The following ZNF804A variants were observed in gnomAD, a reference collection of about 807,000 sequenced individuals.
ZNF804A encodes the protein zinc finger protein 804A.
In ZNF804A, 2 loss-of-function variants were observed where a neutral mutation model predicts 16.5. That is an observed-to-expected ratio of 0.12 (90% CI 0.05 to 0.38). The LOEUF is 0.38. Among genes scored for constraint, ZNF804A ranks in the 10% least tolerant of loss-of-function variants. ZNF804A has a pLI of 0.99. For missense variants in ZNF804A, 1,473 were observed against 1,390.7 expected, an observed-to-expected ratio of 1.06 and a Z score of -0.94; for synonymous variants, 534 against 489.6, an observed-to-expected ratio of 1.09 and a Z score of -1.20.
At chr2:184,849,342 G>C (rs1247712234) in intron 1 of ZNF804A, among the ~76,000 whole-genome samples, 1 of 151,962 alleles carries the variant, frequency 6.6e-6, no homozygotes, top group Non-Finnish European at 1.5e-5. Context: ...CAGTCAGAAA[G>C]GTGACAAAAG....
chr2:184,672,624 C>T (rs1692354395), intron 1 of ZNF804A, among the ~76,000 whole-genome samples: 1 of 151,906 alleles, frequency 6.6e-6, no homozygotes, highest in Non-Finnish European at 1.5e-5. Flanking sequence ...ATTACATTTA[C>T]TTTTTGAATT....
intron 1 of ZNF804A, among the ~76,000 whole-genome samples, chr2:184,657,835 A>T (rs1339067535): frequency 6.6e-6 from 1 of 152,176 alleles, no homozygotes; most frequent in African/African-American, 2.4e-5. Context: ...AGAAAGGGGA[A>T]GAGGAGAAAG....
chr2:184,831,958 C>T (rs924649109), intron 1 of ZNF804A, among the ~76,000 whole-genome samples: 6 of 151,966 alleles, frequency 3.9e-5, no homozygotes, highest in East Asian at 3.9e-4. Flanking sequence ...TGAGTGGAAA[C>T]GAGTTTTTCT....
At chr2:184,687,354 T>C (rs1415867526) in intron 1 of ZNF804A, among the ~76,000 whole-genome samples, 3 of 152,210 alleles carry the variant, frequency 2.0e-5, no homozygotes, top group Non-Finnish European at 4.4e-5. Context: ...TGCTGGAAGA[T>C]GTCAAAGATC....
At chr2:184,811,584 A>G (rs1012016296) in intron 1 of ZNF804A, among the ~76,000 whole-genome samples, 9 of 152,140 alleles carry the variant, frequency 5.9e-5, no homozygotes, top group African/African-American at 1.9e-4. Context: ...GTGGTGTTGC[A>G]CACCTACAGT....
intron 2 of ZNF804A, among the ~76,000 whole-genome samples, chr2:184,882,241 CAAG>C (rs1684819546): frequency 6.6e-6 from 1 of 151,956 alleles, no homozygotes; most frequent in South Asian, 2.1e-4. Context: ...AAGATGATTA[CAAG>C]AAGATCTAAC....
intron 1 of ZNF804A, among the ~76,000 whole-genome samples, chr2:184,831,870 A>T (rs554993351): frequency 6.6e-6 from 1 of 152,142 alleles, no homozygotes; most frequent in African/African-American, 2.4e-5. Context: ...GGATAATGCC[A>T]GGAATATAAA....
chr2:184,649,818 C>T (rs762133325), intron 1 of ZNF804A, among the ~76,000 whole-genome samples: 1 of 145,994 alleles, frequency 6.8e-6, no homozygotes, highest in African/African-American at 2.5e-5. Flanking sequence ...ATTTAAAAAA[C>T]CTACAAATCA....
chr2:184,903,458 C>T (rs1239062119), intron 2 of ZNF804A, among the ~76,000 whole-genome samples: 1 of 152,068 alleles, frequency 6.6e-6, no homozygotes, highest in Non-Finnish European at 1.5e-5. Context: ...GAGCAATAGG[C>T]TATACCATAG....
intron 2 of ZNF804A, among the ~76,000 whole-genome samples, chr2:184,871,814 TGAA>T (rs1332117231): frequency 6.6e-6 from 1 of 151,848 alleles, no homozygotes; most frequent in Non-Finnish European, 1.5e-5. Context: ...TAAAAACAGA[TGAA>T]GAAAAATAAA....
In ZNF804A at chr2:184,676,227, A is replaced by G. The variant is rs151114771; in HGVS notation, c.111+77157A>G. Among the ~76,000 whole-genome samples the G allele has an allele frequency of 2.6e-3, 393 of 151,772 alleles. 1 individual carries two copies. The highest frequency in any genetic ancestry group is 8.7e-3 in the African/African-American group (363 of 41,526). ...GAGGACAATATGTCAAGTAAAGTTT[A>G]TTGTTATATTAAATATTCTACAGTG... On this transcript the variant is annotated intron_variant, in intron 1 of 3. Coordinates refer to ENST00000302277, the MANE Select transcript of ZNF804A (RefSeq NM_194250.2).
Position 184,712,570 on chromosome 2 carries a change from T to C in ZNF804A, c.111+113500T>C, listed in dbSNP as rs1276877041. Among the ~76,000 whole-genome samples, 3 of 151,800 alleles carry C rather than the reference T, an allele frequency of 2.0e-5. No individual in the cohort carries two copies. The East Asian group carries it at 5.8e-4, about 29-fold the overall frequency. ...TCGTAAATCTCAATGTCTATTTCTC[T>C]CTCTGTATTTGAGAAGTTTTGGCCA... On this transcript the variant is annotated intron_variant, in intron 1 of 3. Coordinates refer to ENST00000302277, the MANE Select transcript of ZNF804A (RefSeq NM_194250.2).
Position 184,938,982 on chromosome 2 carries a change from C to T in ZNF804A, c.3586C>T (p.Leu1196Phe). 3 of 1,614,022 alleles carry T rather than the reference C, an allele frequency of 1.9e-6. No individual in the cohort carries two copies. Among genetic ancestry groups the T allele is most frequent in the Non-Finnish European group, 1.7e-6 (2 of 1,179,978 alleles). The change falls in exon 4 of 4, where the codon CTT becomes TTT. Residue 1196 changes from leucine to phenylalanine, a missense_variant. Leu to Phe is a conservative substitution (Grantham distance 22). Transcript: ENST00000302277. ...ACCCCATGCACTCTTTCCTTCACTG[C>T]TTTCCCCACACCCTACTGTCATCCC... ...SLPHALFPSL[L>F]SPHPTVIPLQ...
intron 1 of ZNF804A, among the ~76,000 whole-genome samples, chr2:184,675,899 T>A (rs993805893): frequency 6.6e-6 from 1 of 151,762 alleles, no homozygotes; most frequent in Non-Finnish European, 1.5e-5. Context: ...ATATACATTT[T>A]AATGTATGTA....
intron 1 of ZNF804A, among the ~76,000 whole-genome samples, chr2:184,712,052 A>G (rs546839300): frequency 6.6e-6 from 1 of 151,862 alleles, no homozygotes; most frequent in Admixed American, 6.6e-5. Context: ...AGTCTTCTTG[A>G]GTAATGAGGA....
intron 1 of ZNF804A, among the ~76,000 whole-genome samples, chr2:184,621,123 C>T (rs1435938551): frequency 6.6e-6 from 1 of 151,500 alleles, no homozygotes; most frequent in Non-Finnish European, 1.5e-5. Flanking sequence ...ATAAAATACT[C>T]AAAATTTTCA....
chr2:184,905,351 T>A (rs1685253700), intron 2 of ZNF804A, among the ~76,000 whole-genome samples: 1 of 152,146 alleles, frequency 6.6e-6, no homozygotes, highest in Non-Finnish European at 1.5e-5. Context: ...TCTTTTTCTT[T>A]TACAGTGGTC....
chr2:184,824,206 A>C (rs888372134), intron 1 of ZNF804A, among the ~76,000 whole-genome samples: 2 of 152,124 alleles, frequency 1.3e-5, no homozygotes, highest in Non-Finnish European at 2.9e-5. Flanking sequence ...AATTAAATTA[A>C]ATTAAAATCT....
At chr2:184,872,542 T>C (rs1253162867) in intron 2 of ZNF804A, among the ~76,000 whole-genome samples, 1 of 152,110 alleles carries the variant, frequency 6.6e-6, no homozygotes, top group African/African-American at 2.4e-5. Context: ...ATGATAAACC[T>C]AAATGATAAA....
Sources: gnomAD v4.1 joint callset for allele counts (sites outside exome capture counted in the v4.1 genomes callset) on GRCh38, gnomAD v4.1.1 for gene constraint, MANE v1.5 for transcripts, NCBI Gene and HGNC (gene_info 2026-07-23, HGNC 2026-07-21) for gene names.